The following TRAPPC9 variants were observed in gnomAD, a reference collection of about 807,000 sequenced individuals.
The protein encoded by TRAPPC9 is IKK2 binding protein.
In TRAPPC9, 83 loss-of-function variants were observed where a neutral mutation model predicts 124.0. That is an observed-to-expected ratio of 0.67 (90% confidence interval 0.56 to 0.80). The LOEUF (loss-of-function observed/expected upper bound fraction) is 0.80, where lower values mean the gene tolerates loss of function less well. Among genes scored for constraint, TRAPPC9 ranks in the 30% least tolerant of loss-of-function variants. The pLI is 0.00. For synonymous variants in TRAPPC9, 638 were observed against 617.5 expected (o/e 1.03, Z -0.49); for missense variants, 1,302 against 1,508.3 (o/e 0.86, Z 2.27).
At chr8:140,015,853 C>T (rs958652338) in intron 18 of TRAPPC9, among the ~76,000 whole-genome samples, 15 of 152,112 alleles carry the variant, frequency 9.9e-5, no homozygotes, top group African/African-American at 3.4e-4. Flanking sequence ...ACAAAAGAAA[C>T]ACCTGAATGA....
At chr8:140,352,486 C>A (rs1282488288) in intron 9 of TRAPPC9, among the ~76,000 whole-genome samples, 1 of 152,184 alleles carries the variant, frequency 6.6e-6, no homozygotes, top group Non-Finnish European at 1.5e-5. Flanking sequence ...GAACGAGGAA[C>A]TGGCAGCCTA....
chr8:140,249,496 T>C (rs1186214666), intron 16 of TRAPPC9, among the ~76,000 whole-genome samples: 1 of 152,092 alleles, frequency 6.6e-6, no homozygotes, highest in South Asian at 2.1e-4. Context: ...TTCTTTTTAA[T>C]AATTTGACAT....
chr8:139,769,042 A>G (rs1293948169), intron 21 of TRAPPC9, among the ~76,000 whole-genome samples: 1 of 152,206 alleles, frequency 6.6e-6, no homozygotes. Context: ...TTGAATTTCT[A>G]TGAATTTCGA....
chr8:139,755,326 G>A (rs1268324227), intron 21 of TRAPPC9, among the ~76,000 whole-genome samples: 1 of 151,206 alleles, frequency 6.6e-6, no homozygotes, highest in Non-Finnish European at 1.5e-5. Flanking sequence ...GCAGGTCGCA[G>A]GAAGAGCCAG....
chr8:140,338,611 C>G (rs2067107571), intron 9 of TRAPPC9, among the ~76,000 whole-genome samples: 3 of 152,206 alleles, frequency 2.0e-5, no homozygotes. Context: ...GGGGTGAACC[C>G]TAAGCTAATA....
At chr8:140,165,218 G>A (rs959626678) in intron 17 of TRAPPC9, among the ~76,000 whole-genome samples, 1 of 152,132 alleles carries the variant, frequency 6.6e-6, no homozygotes, top group Non-Finnish European at 1.5e-5. Flanking sequence ...GCGTGTGTCT[G>A]TAATCCCAGC....
At chr8:140,358,786 G>T (rs988123647) in intron 9 of TRAPPC9, among the ~76,000 whole-genome samples, 1 of 152,190 alleles carries the variant, frequency 6.6e-6, no homozygotes, top group African/African-American at 2.4e-5. Flanking sequence ...ACGGCCTGCA[G>T]GGAGGAGAGG....
At chr8:139,779,448 A>C (rs1301460168) in intron 21 of TRAPPC9, among the ~76,000 whole-genome samples, 1 of 152,226 alleles carries the variant, frequency 6.6e-6, no homozygotes, top group Non-Finnish European at 1.5e-5. Context: ...TGGTAACTAC[A>C]TGAGTAAATA....
chr8:139,732,640 C>A (rs60197798), intron 21 of TRAPPC9, among the ~76,000 whole-genome samples: 4,689 of 152,336 alleles, frequency 0.031, 241 homozygotes, highest in African/African-American at 0.11. Context: ...AGGTCCCTCT[C>A]CTCCAGTGGC....
At chr8:140,429,447 T>C (rs2070551746) in intron 4 of TRAPPC9, among the ~76,000 whole-genome samples, 1 of 116,748 alleles carries the variant, frequency 8.6e-6, no homozygotes. Context: ...TTGGTCAAGT[T>C]CCTCAACCTG....
Position 139,818,114 on chromosome 8 carries a change from G to T in TRAPPC9, c.3055+67765C>A, listed in dbSNP as rs147515242. On this transcript the variant is annotated intron_variant, in intron 21 of 22. Transcript: ENST00000438773. ...GAGGCTCAAAGACTTCAGGTCATTT[G>T]CCCTTGGCTAGTTAGTGACTGACCT... Among the ~76,000 whole-genome samples the T allele has an allele frequency of 3.4e-3, 512 of 152,314 alleles. 1 individual carries two copies. The highest frequency in any genetic ancestry group is 0.012 in the African/African-American group (479 of 41,556).
intron 21 of TRAPPC9, among the ~76,000 whole-genome samples, chr8:139,740,747 CG>C (rs1243766736): frequency 1.3e-5 from 2 of 152,326 alleles, no homozygotes; most frequent in East Asian, 3.9e-4. Context: ...TCCATGGGGA[CG>C]GGGCCCCAAC....
At chr8:140,307,475 G>A (rs192521303) in intron 10 of TRAPPC9, among the ~76,000 whole-genome samples, 1 of 152,226 alleles carries the variant, frequency 6.6e-6, no homozygotes, top group East Asian at 1.9e-4. Context: ...AGGTCACCTG[G>A]GGGCTACAAA....
chr8:140,405,517 T>C (rs1332133850), intron 6 of TRAPPC9, 60 bp downstream of exon 6: 4 of 1,587,282 alleles, frequency 2.5e-6, no homozygotes, highest in East Asian at 2.2e-5. Context: ...CAATGTAAAA[T>C]GGAAACTTCT....
At position 139,861,401 on chromosome 8, in the gene TRAPPC9, CAGGTAACTAA is replaced by C. The variant is rs1828142808; in HGVS notation, c.3055+24468_3055+24477del. ...GTCTGGTGGGAAGGACACTTAGGAA[CAGGTAACTAA>C]AGGTGACTTAGGTCAGAGCAGGTGA... On this transcript the variant is annotated intron_variant, in intron 21 of 22. Coordinates refer to ENST00000438773, the MANE Select transcript of TRAPPC9 (RefSeq NM_001160372.4). Among the ~76,000 whole-genome samples, 5 of 152,084 alleles carry C rather than the reference CAGGTAACTAA, an allele frequency of 3.3e-5. 1 individual carries two copies. The highest frequency in any genetic ancestry group is 3.3e-4 in the Admixed American group (5 of 15,274).
At position 140,319,632 on chromosome 8, in the gene TRAPPC9, A is replaced by G. The variant is rs567492277; in HGVS notation, c.1496-8258T>C. Among the ~76,000 whole-genome samples the G allele has an allele frequency of 6.6e-5, 10 of 151,988 alleles. No homozygotes were observed. In the South Asian group the frequency reaches 2.1e-3, roughly 32 times the overall value. On this transcript the variant is annotated intron_variant, in intron 9 of 22. Transcript: ENST00000438773. ...CAGGTGTGCACCACAACACCCAGCT[A>G]ATTTTTCATATTTTCTGTAAAGATG...
intron 19 of TRAPPC9, among the ~76,000 whole-genome samples, chr8:139,985,937 C>T (rs1837213866): frequency 6.6e-6 from 1 of 152,114 alleles, no homozygotes; most frequent in South Asian, 2.1e-4. Flanking sequence ...TATGGAACCA[C>T]TTATGCCATT....
Position 140,063,234 on chromosome 8 carries a change from C to T in TRAPPC9, c.2557-39155G>A, listed in dbSNP as rs900130666. ...GGAGATTATAATTTACAGTGAGATT[C>T]GGGTGGGAGCACAAAGCCTAAGCAT... On this transcript the variant is annotated intron_variant, in intron 17 of 22. Coordinates refer to ENST00000438773, the MANE Select transcript of TRAPPC9 (RefSeq NM_001160372.4). The surrounding 1 kb of genome is among the most constrained non-coding windows in gnomAD (Gnocchi z 4.3). Among the ~76,000 whole-genome samples the T allele has an allele frequency of 3.3e-5, 5 of 152,280 alleles. No homozygotes were observed. The highest frequency in any genetic ancestry group is 7.4e-5 in the Non-Finnish European group (5 of 68,020).
chr8:139,922,274 C>T (rs1225194545), intron 19 of TRAPPC9, among the ~76,000 whole-genome samples: 5 of 152,052 alleles, frequency 3.3e-5, no homozygotes, highest in Non-Finnish European at 4.4e-5. Context: ...CCCCCTGCCT[C>T]GCAGGTTCAA....
Sources: gnomAD v4.1 joint callset for allele counts (sites outside exome capture counted in the v4.1 genomes callset) on GRCh38, gnomAD v4.1.1 for gene constraint, Gnocchi (gnomAD v3.1) non-coding constraint, MANE v1.5 for transcripts, NCBI Gene and HGNC (gene_info 2026-07-23, HGNC 2026-07-21) for gene names.